TTLL7: variants seen among roughly 807,000 people sequenced by gnomAD.
The protein encoded by TTLL7 is tubulin tyrosine ligase like 7.
TTLL7 carries 53 observed loss-of-function variants against 120.2 expected under a neutral mutation model. The observed-to-expected ratio is 0.44, with a 90% confidence interval of 0.35 to 0.55. TTLL7 has a LOEUF of 0.55. Ranked by LOEUF, TTLL7 falls within the 20% of genes least tolerant of loss-of-function variation. The pLI, the probability that TTLL7 is intolerant of heterozygous loss-of-function variation, is 0.00. For missense variants in TTLL7, 803 were observed against 1,054.7 expected (o/e 0.76, Z 3.31); for synonymous variants, 353 against 351.7 (o/e 1.00, Z -0.04).
chr1:83,868,269 G>A lies in TTLL7; in HGVS notation c.*1693C>T, dbSNP rs927246980. 5 of 152,122 alleles carry A rather than the reference G, an allele frequency of 3.3e-5. No individual in the cohort carries two copies. The highest frequency in any genetic ancestry group is 1.3e-4 in the Admixed American group (2 of 15,264). 9.4% of individuals were successfully genotyped at this position (152,122 alleles called of 1,614,324 possible). On this transcript the variant is annotated 3_prime_UTR_variant, in exon 21 of 21. Transcript: ENST00000260505. Reference sequence around the variant, plus strand: ...AGGAGGTAAAACATTCATGAATTTCGAAAATAATTAGCAGCTAAAAGAAAA... The same window carrying A: ...AGGAGGTAAAACATTCATGAATTTCAAAAATAATTAGCAGCTAAAAGAAAA...
chr1:83,901,689 T>G (rs1571122510), intron 18 of TTLL7, among the ~76,000 whole-genome samples: 2 of 151,944 alleles, frequency 1.3e-5, no homozygotes. Flanking sequence ...TCCTCAACAG[T>G]GTACTCTACG....
In TTLL7 at chr1:83,911,369, A is replaced by G. The variant is rs1398476459; in HGVS notation, c.1588-6T>C. The G allele has an allele frequency of 2.1e-5, 33 of 1,594,174 alleles. No homozygotes were observed. Among genetic ancestry groups the G allele is most frequent in the Non-Finnish European group, 2.5e-5 (29 of 1,171,278 alleles). ...TCAGGCATAGAACACAGAGGCTAAA[A>G]AAGATGGAAATGTGTTATTTTGTTA... is the stretch of plus-strand genomic sequence containing the variant. On this transcript the variant is annotated splice_polypyrimidine_tract_variant and splice_region_variant and intron_variant, in intron 14 of 20. Transcript: ENST00000260505.
At chr1:83,928,172 A>C (rs1659294810) in intron 10 of TTLL7, among the ~76,000 whole-genome samples, 1 of 152,164 alleles carries the variant, frequency 6.6e-6, no homozygotes, top group Non-Finnish European at 1.5e-5. Flanking sequence ...AAAACTAAAC[A>C]CAAGGCTTAT....
At chr1:83,909,269 C>CTTTTTTTTTTT (rs71582911) in intron 15 of TTLL7, among the ~76,000 whole-genome samples, 1 of 99,294 alleles carries the variant, frequency 1.0e-5, no homozygotes, top group Admixed American at 1.4e-4. Flanking sequence ...TTTTTTTTTC[C>CTTTTTTTTTTT]TTTTTTTTTT....
intron 1 of TTLL7, among the ~76,000 whole-genome samples, chr1:83,977,728 G>A (rs564829313): frequency 5.8e-4 from 89 of 152,218 alleles, no homozygotes; most frequent in Non-Finnish European, 9.6e-4. Context: ...CTCATAGCAT[G>A]CTACTATTTA....
At chr1:83,937,113 A>G (rs1000453156) in intron 8 of TTLL7, among the ~76,000 whole-genome samples, 2 of 152,156 alleles carry the variant, frequency 1.3e-5, no homozygotes, top group Non-Finnish European at 2.9e-5. Context: ...GTCACATAAG[A>G]TTATAATACT....
intron 18 of TTLL7, among the ~76,000 whole-genome samples, chr1:83,901,329 G>A (rs12136835): frequency 0.041 from 6,266 of 151,894 alleles, 152 homozygotes; most frequent in Middle Eastern, 0.099. Flanking sequence ...ATTATATGAA[G>A]TTTGTTTTTA....
At chr1:83,901,895 A>T (rs1656753832) in intron 18 of TTLL7, 2 of 152,010 alleles carry the variant, frequency 1.3e-5, no homozygotes, top group African/African-American at 4.8e-5. Flanking sequence ...ACTTCACTCC[A>T]CTACTAAAAT....
chr1:83,977,589 T>A (rs948105098), intron 1 of TTLL7, among the ~76,000 whole-genome samples: 1 of 152,176 alleles, frequency 6.6e-6, no homozygotes, highest in African/African-American at 2.4e-5. Flanking sequence ...CAGACATCTC[T>A]AATTCATCTC....
chr1:83,950,820 T>G (rs1302769499), intron 3 of TTLL7, among the ~76,000 whole-genome samples: 1 of 152,112 alleles, frequency 6.6e-6, no homozygotes, highest in East Asian at 1.9e-4. Flanking sequence ...CCATGCAGCT[T>G]TGGCATCCTG....
At chr1:83,953,381 C>A (rs1370138570) in intron 1 of TTLL7, among the ~76,000 whole-genome samples, 4 of 151,986 alleles carry the variant, frequency 2.6e-5, no homozygotes, top group Non-Finnish European at 5.9e-5. Context: ...ATATCAACAC[C>A]TTTATTAGAT....
chr1:83,987,816 A>G (rs1342479183), intron 1 of TTLL7, among the ~76,000 whole-genome samples: 5 of 152,240 alleles, frequency 3.3e-5, no homozygotes, highest in Non-Finnish European at 5.9e-5. Context: ...TGATACCTAG[A>G]ATATATAAAG....
chr1:83,919,640 G>T, intron 13 of TTLL7, 59 bp downstream of exon 13: 1 of 1,470,294 alleles, frequency 6.8e-7, no homozygotes. Context: ...TGGCTTGTCT[G>T]TAAAGACATA....
intron 14 of TTLL7, among the ~76,000 whole-genome samples, chr1:83,916,521 A>G (rs1180575246): frequency 1.3e-5 from 2 of 151,884 alleles, no homozygotes; most frequent in Non-Finnish European, 2.9e-5. Context: ...GGATAGCATT[A>G]GGAGAAATAC....
At chr1:83,930,976 T>C (rs1659549062) in intron 9 of TTLL7, among the ~76,000 whole-genome samples, 1 of 151,584 alleles carries the variant, frequency 6.6e-6, no homozygotes, top group African/African-American at 2.4e-5. Context: ...CTTTTTCAAT[T>C]TAGGTTTTCA....
intron 5 of TTLL7, among the ~76,000 whole-genome samples, chr1:83,947,821 C>G (rs1472843867): frequency 6.6e-6 from 1 of 151,958 alleles, no homozygotes; most frequent in Non-Finnish European, 1.5e-5. Context: ...TTTTATACTA[C>G]CATTTTTTAG....
chr1:83,995,419 A>G (rs1653390234), intron 1 of TTLL7, among the ~76,000 whole-genome samples: 1 of 151,378 alleles, frequency 6.6e-6, no homozygotes, highest in Non-Finnish European at 1.5e-5. Flanking sequence ...GAGTTCTCAC[A>G]AGATCTGGTC....
intron 20 of TTLL7, among the ~76,000 whole-genome samples, chr1:83,881,588 A>C (rs1246210284): frequency 6.6e-6 from 1 of 152,162 alleles, no homozygotes; most frequent in East Asian, 1.9e-4. Flanking sequence ...TCAGGAAATA[A>C]CAGGTGCTGG....
At chr1:83,878,545 AC>A (rs1006010895) in intron 20 of TTLL7, among the ~76,000 whole-genome samples, 1 of 151,978 alleles carries the variant, frequency 6.6e-6, no homozygotes, top group Non-Finnish European at 1.5e-5. Flanking sequence ...TGTCAAAAGC[AC>A]TGCTCAGCAC....
Sources: allele counts gnomAD v4.1 joint callset (sites outside exome capture counted in the v4.1 genomes callset), GRCh38; gene constraint gnomAD v4.1.1; transcripts MANE v1.5; gene names NCBI Gene and HGNC (gene_info 2026-07-23, HGNC 2026-07-21).